NTSR2: variants seen among roughly 807,000 people sequenced by gnomAD.
NTSR2 encodes the protein neurotensin receptor type 2.
NTSR2 carries 22 observed loss-of-function variants against 24.1 expected under a neutral mutation model. The ratio of observed to expected loss-of-function variants is 0.91; its 90% CI spans 0.65 to 1.30. The LOEUF is 1.30. Among genes scored for constraint, NTSR2 ranks in the 50% most tolerant of loss-of-function variants. NTSR2 has a pLI of 0.00. For synonymous variants in NTSR2, 291 were observed against 267.0 expected (o/e 1.09, Z -0.88); for missense variants, 570 against 570.4 (o/e 1.00, Z 0.01).
At chr2:11,664,837 G>A (rs1022465079) in intron 1 of NTSR2, among the ~76,000 whole-genome samples, 4 of 152,116 alleles carry the variant, frequency 2.6e-5, no homozygotes, top group Non-Finnish European at 4.4e-5. Context: ...TAAAATATTA[G>A]AATCAAAATA....
rs577111587 is a variant in NTSR2, at chr2:11,662,002, C to T, written c.863G>A (p.Arg288Gln). Residue 288 changes from arginine (R) to glutamine (Q), a missense_variant, in exon 2 of 4, where the codon CGG becomes CAG. Arg to Gln is a conservative substitution (Grantham distance 43, BLOSUM62 1). Coordinates refer to ENST00000306928, the MANE Select transcript of NTSR2 (RefSeq NM_012344.4). ...GACGCTGCGCTGGAGGCTGCGGATC[C>T]GGCGCACGTCTTTATGTCTCACCAG... ...VSLVRHKDVRRIRSLQRSVQV... is the reference protein window; with the variant it reads ...VSLVRHKDVRQIRSLQRSVQV... The T allele has an allele frequency of 3.0e-5, 49 of 1,609,766 alleles. No homozygotes were observed. Among genetic ancestry groups the T allele is most frequent in the Middle Eastern group, 1.7e-4 (1 of 6,034 alleles).
At position 11,658,569 on chromosome 2, in the gene NTSR2, G is replaced by A. The variant is rs1226759903; in HGVS notation, c.1143C>T (p.His381=). ...EAVSSLCGEH[H]PMKRLPPKPQ... ...GCTTCGGGGGTAACCGCTTCATGGG[G>A]TGGTGCTCTCCACACAGGGAGCTGA... Residue 381 remains histidine, a synonymous_variant, in exon 4 of 4, where the codon CAC becomes CAT. Coordinates refer to ENST00000306928, the MANE Select transcript of NTSR2 (RefSeq NM_012344.4). The A allele has an allele frequency of 2.5e-6, 4 of 1,614,100 alleles. No homozygotes were observed. In the African/African-American group the frequency reaches 5.3e-5, roughly 22 times the overall value.
intron 1 of NTSR2, 143 bp downstream of exon 1, chr2:11,669,363 G>A (rs1354144941): frequency 2.9e-6 from 2 of 695,300 alleles, no homozygotes; most frequent in Non-Finnish European, 4.2e-6. Context: ...TAGTAAAATG[G>A]GACAGAGCAA....
Position 11,670,104 on chromosome 2 carries a change from G to A in NTSR2, c.26C>T (p.Pro9Leu). The change falls in exon 1 of 4, where the codon CCG becomes CTG. Residue 9 changes from proline to leucine, a missense_variant. By Grantham distance (98) the Pro-to-Leu change is moderately conservative. Transcript: ENST00000306928. METSSPRP[P>L]RPSSNPGLSL... ...CAGCCCCGGGTTGGAGCTGGGCCGC[G>A]GGGGCCGCGGGCTGCTGGTTTCCAT... The A allele has an allele frequency of 3.6e-6, 5 of 1,391,908 alleles. No homozygotes were observed. Among genetic ancestry groups the A allele is most frequent in the East Asian group, 2.9e-5 (1 of 34,892 alleles). 86.2% of individuals were successfully genotyped at this position (1,391,908 alleles called of 1,614,324 possible).
rs1004611039 is a variant in NTSR2 at position 11,669,034 on chromosome 2, G to A, written c.624+472C>T. On this transcript the variant is annotated intron_variant, in intron 1 of 3. Transcript: ENST00000306928. ...GAGGAGGCAAGGCTGCCAGGGAGACGGTAACAGGAAATGAGGTTAGAAGCC... is the reference window on the plus strand; with the variant it reads ...GAGGAGGCAAGGCTGCCAGGGAGACAGTAACAGGAAATGAGGTTAGAAGCC... Among the ~76,000 whole-genome samples the A allele has an allele frequency of 2.0e-5, 3 of 152,286 alleles. No individual in the cohort carries two copies. The Middle Eastern group carries it at 0.01, about 518-fold the overall frequency.
At chr2:11,666,272 G>A (rs1001055109) in intron 1 of NTSR2, among the ~76,000 whole-genome samples, 1 of 151,998 alleles carries the variant, frequency 6.6e-6, no homozygotes, top group Admixed American at 6.6e-5. Context: ...GCTACTGTGG[G>A]GTTCCTCATC....
rs1025013196 is a variant in NTSR2, at chr2:11,662,127, C to T, written c.738G>A (p.Pro246=). The part of the protein sequence containing the change: ...LCSQVPSTST[P]GSSTPSRLEL... ...CCAGGCGGCTGGGGGTGGAGCTGCC[C>T]GGGGTAGAAGTGGACGGCACTTGGG... Residue 246 remains proline, a synonymous_variant, in exon 2 of 4, where the codon CCG becomes CCA. Transcript: ENST00000306928. 3.0e-5 allele frequency: 48 copies of T among 1,611,908 alleles called. No individual in the cohort carries two copies. The highest frequency in any genetic ancestry group is 1.1e-4 in the African/African-American group (8 of 74,866).
At chr2:11,669,459 C>CCGGGCG in intron 1 of NTSR2, 47 bp downstream of exon 1, 1 of 337,896 alleles carries the variant, frequency 3.0e-6, no homozygotes, top group Non-Finnish European at 5.3e-6. Context: ...CTCCCAGCAC[C>CCGGGCG]GCCCCCCCAC....
At chr2:11,669,459 C>CGGGGGGGGGGGGGGGGGGGGGGGGGGG in intron 1 of NTSR2, 47 bp downstream of exon 1, 5 of 337,892 alleles carry the variant, frequency 1.5e-5, no homozygotes, top group Non-Finnish European at 2.6e-5. Context: ...CTCCCAGCAC[C>CGGGGGGGGGGGGGGGGGGGGGGGGGGG]GCCCCCCCAC....
intron 2 of NTSR2, among the ~76,000 whole-genome samples, chr2:11,661,734 G>A (rs557265432): frequency 3.9e-4 from 60 of 152,188 alleles, no homozygotes; most frequent in Non-Finnish European, 7.6e-4. Context: ...GCCTGTGTGT[G>A]CTATTCCCTG....
chr2:11,669,460 G>GGGGGGGGGGGGGCGCCCGCC, intron 1 of NTSR2, 46 bp downstream of exon 1: 1 of 254,726 alleles, frequency 3.9e-6, no homozygotes, highest in Admixed American at 6.7e-5. Context: ...TCCCAGCACC[G>GGGGGGGGGGGGGCGCCCGCC]CCCCCCCACC....
At chr2:11,669,168 G>T (rs1189885832) in intron 1 of NTSR2, among the ~76,000 whole-genome samples, 1 of 152,126 alleles carries the variant, frequency 6.6e-6, no homozygotes, top group South Asian at 2.1e-4. Context: ...CACAGACTTC[G>T]GGCTACTGAG....
chr2:11,668,612 C>T (rs948733746), intron 1 of NTSR2, among the ~76,000 whole-genome samples: 47 of 152,312 alleles, frequency 3.1e-4, no homozygotes, highest in African/African-American at 9.9e-4. Flanking sequence ...CCTGGAGGCC[C>T]AGCAGGGCCT....
Position 11,660,065 on chromosome 2 carries a change from C to T in NTSR2, c.967G>A (p.Val323Ile), listed in dbSNP as rs202176563. 1.4e-4 allele frequency: 223 copies of T among 1,613,936 alleles called. No individual in the cohort carries two copies. The highest frequency in any genetic ancestry group is 1.8e-4 in the Non-Finnish European group (209 of 1,179,960). The change falls in exon 3 of 4, where the codon GTA becomes ATA. Residue 323 changes from valine to isoleucine, a missense_variant. Physicochemically the swap from Val to Ile is conservative, Grantham distance 29. Coordinates refer to ENST00000306928, the MANE Select transcript of NTSR2 (RefSeq NM_012344.4). ...YHARRLMYCY[V>I]PDDAWTDPLY... ...CACTCAGTCCACGCGTCATCAGGTA[C>T]GTAGCAGTACATGAGCCTGCGGGCA...
chr2:11,658,464 ATTC>A lies in NTSR2; in HGVS notation c.*12_*14del. 1 of 1,580,610 alleles carries A rather than the reference ATTC, an allele frequency of 6.3e-7. No individual in the cohort carries two copies. Among genetic ancestry groups the A allele is most frequent in the Non-Finnish European group, 8.6e-7 (1 of 1,162,948 alleles). On this transcript the variant is annotated 3_prime_UTR_variant, in exon 4 of 4. Coordinates refer to ENST00000306928, the MANE Select transcript of NTSR2 (RefSeq NM_012344.4). ...GCTGGTCATTTTGCTTGTTCTGTTC[ATTC>A]TTGCATTACATTCAGGTCCGGGTTT... is the stretch of plus-strand genomic sequence containing the variant.
At chr2:11,662,440 C>T (rs1050223329) in intron 1 of NTSR2, among the ~76,000 whole-genome samples, 200 bp from the exon 2 acceptor site, 3 of 151,716 alleles carry the variant, frequency 2.0e-5, no homozygotes, top group African/African-American at 7.3e-5. Context: ...AATAGGGGTT[C>T]CAGGAAGAAA....
At chr2:11,667,071 T>C (rs1169557264) in intron 1 of NTSR2, among the ~76,000 whole-genome samples, 3 of 152,248 alleles carry the variant, frequency 2.0e-5, no homozygotes, top group African/African-American at 7.2e-5. Flanking sequence ...TGGACAGACC[T>C]GGGCATGTGA....
rs988038686 is a variant in NTSR2 at position 11,669,690 on chromosome 2, A to G, written c.440T>C (p.Leu147Pro). ...CAGCCACCGGGTCCGGCGTGGCGTC[A>G]GCAGGCTGCGGGCACGCAGGGGCTG... ...VCQPLRARSL[L>P]TPRRTRWLVA... The change falls in exon 1 of 4, where the codon CTG becomes CCG. Residue 147 changes from leucine (L) to proline (P), a missense_variant. Leu to Pro is a moderately conservative substitution (Grantham distance 98). Coordinates refer to ENST00000306928, the MANE Select transcript of NTSR2 (RefSeq NM_012344.4). 4.6e-6 allele frequency: 7 copies of G among 1,532,572 alleles called. No individual in the cohort carries two copies. Among genetic ancestry groups the G allele is most frequent in the Non-Finnish European group, 6.1e-6 (7 of 1,144,900 alleles). The allele number at this position is 1,532,572 out of a possible 1,614,324, so 94.9% of individuals were successfully genotyped here.
rs567977202 is a variant in NTSR2, at chr2:11,663,839, T to C, written c.625-1599A>G. 3.3e-5 allele frequency among the ~76,000 whole-genome samples: 5 copies of C among 152,286 alleles called. No individual in the cohort carries two copies. The East Asian group carries it at 9.7e-4, about 29-fold the overall frequency. On this transcript the variant is annotated intron_variant, in intron 1 of 3. Coordinates refer to ENST00000306928, the MANE Select transcript of NTSR2 (RefSeq NM_012344.4). ...AAAGCTAGTATGCTCTTTAGAAATA[T>C]GGAGGCAAAGAGGACAAGCGACAAG...
Sources: allele counts gnomAD v4.1 joint callset (sites outside exome capture counted in the v4.1 genomes callset), GRCh38; gene constraint gnomAD v4.1.1; transcripts MANE v1.5; gene names NCBI Gene and HGNC (gene_info 2026-07-23, HGNC 2026-07-21).